Variants in DCDC2 observed in about 807,000 individuals in gnomAD.
DCDC2 encodes the protein doublecortin domain containing 2, also known as doublecortin domain-containing protein 2.
In DCDC2, 40 loss-of-function variants were observed where a neutral mutation model predicts 50.2. The ratio of observed to expected loss-of-function variants is 0.80; its 90% CI spans 0.62 to 1.04. The LOEUF (loss-of-function observed/expected upper bound fraction) is 1.04, where lower values mean the gene tolerates loss of function less well. Among genes scored for constraint, DCDC2 ranks in the 50% least tolerant of loss-of-function variants. DCDC2 has a pLI of 0.00. For missense variants in DCDC2, 570 were observed against 581.9 expected (o/e 0.98, Z 0.21); for synonymous variants, 234 against 210.6 (o/e 1.11, Z -0.96).
intron 7 of DCDC2, among the ~76,000 whole-genome samples, chr6:24,253,786 G>C (rs1282375451): frequency 6.6e-6 from 1 of 152,174 alleles, no homozygotes; most frequent in Admixed American, 6.5e-5. Context: ...GTGAGTCAGT[G>C]AGTCAGTGGT....
chr6:24,223,640 A>C (rs1318825553), intron 7 of DCDC2, among the ~76,000 whole-genome samples: 1 of 152,224 alleles, frequency 6.6e-6, no homozygotes, highest in Non-Finnish European at 1.5e-5. Flanking sequence ...AATCCATGTA[A>C]ATTTTTTTGC....
At chr6:24,349,802 A>G (rs1760332444) in intron 2 of DCDC2, among the ~76,000 whole-genome samples, 1 of 152,168 alleles carries the variant, frequency 6.6e-6, no homozygotes, top group African/African-American at 2.4e-5. Context: ...CAGGAGCACA[A>G]AAAGAGTACA....
chr6:24,316,838 C>T (rs1403405791), intron 2 of DCDC2, among the ~76,000 whole-genome samples: 1 of 151,830 alleles, frequency 6.6e-6, no homozygotes, highest in Non-Finnish European at 1.5e-5. Flanking sequence ...CTCAATAAAA[C>T]AGTATATATT....
At chr6:24,251,761 C>T (rs1762800091) in intron 7 of DCDC2, among the ~76,000 whole-genome samples, 1 of 152,192 alleles carries the variant, frequency 6.6e-6, no homozygotes, top group Non-Finnish European at 1.5e-5. Context: ...TCTCCTGATT[C>T]TGTATGCATC....
rs1304400309 is a variant in DCDC2 at position 24,306,569 on chromosome 6, GACA to G, written c.349-4528_349-4526del. On this transcript the variant is annotated intron_variant, in intron 2 of 9. Transcript: ENST00000378454. ...AGACAGACAGACAGACAGACAGACA[GACA>G]GACAAAATATTTCTTGGAAATATTT... Among the ~76,000 whole-genome samples, 454 of 147,606 alleles carry G rather than the reference GACA, an allele frequency of 3.1e-3. 5 individuals are homozygous for G. The highest frequency in any genetic ancestry group is 9.7e-3 in the African/African-American group (377 of 38,936).
chr6:24,357,981 G>A lies in DCDC2; in HGVS notation c.-231C>T. The A allele has an allele frequency of 2.1e-6, 3 of 1,450,286 alleles. No homozygotes were observed. Among genetic ancestry groups the A allele is most frequent in the Admixed American group, 2.7e-5 (1 of 36,500 alleles). 89.8% of individuals were successfully genotyped at this position (1,450,286 alleles called of 1,614,324 possible). ...ACGCTCAAGTTTTTCACCGTGGCGT[G>A]CACAGCCAATCAGGACCCGCAGTGC... On this transcript the variant is annotated 5_prime_UTR_variant, in exon 1 of 10. Coordinates refer to ENST00000378454, the MANE Select transcript of DCDC2 (RefSeq NM_016356.5).
intron 7 of DCDC2, among the ~76,000 whole-genome samples, chr6:24,246,000 A>G (rs1561905016): frequency 6.6e-6 from 1 of 152,154 alleles, no homozygotes; most frequent in South Asian, 2.1e-4. Context: ...ATTTATTTTT[A>G]TTTTTATTTA....
intron 1 of DCDC2, 72 bp downstream of exon 1, chr6:24,357,386 T>A (rs1760491938): frequency 6.8e-7 from 1 of 1,480,272 alleles, no homozygotes; most frequent in Admixed American, 2.2e-5. Flanking sequence ...GGGGTAGGGA[T>A]CTGCATTTCT....
At chr6:24,235,279 T>C (rs1762419240) in intron 7 of DCDC2, among the ~76,000 whole-genome samples, 1 of 152,224 alleles carries the variant, frequency 6.6e-6, no homozygotes, top group African/African-American at 2.4e-5. Context: ...AGATGGGCCT[T>C]ATTCCTTGTC....
At chr6:24,198,726 C>T (rs1363812584) in intron 8 of DCDC2, among the ~76,000 whole-genome samples, 1 of 152,174 alleles carries the variant, frequency 6.6e-6, no homozygotes, top group Non-Finnish European at 1.5e-5. Context: ...GGATCCCACC[C>T]CCATGGAGCC....
At chr6:24,230,139 A>C (rs1484981539) in intron 7 of DCDC2, among the ~76,000 whole-genome samples, 1 of 152,244 alleles carries the variant, frequency 6.6e-6, no homozygotes, top group African/African-American at 2.4e-5. Context: ...TTTACTGAGC[A>C]TCATGTTAAA....
intron 7 of DCDC2, among the ~76,000 whole-genome samples, chr6:24,262,037 T>A (rs1763022588): frequency 1.3e-5 from 2 of 151,612 alleles, no homozygotes; most frequent in South Asian, 4.2e-4. Context: ...AGGTAAGCAA[T>A]CACAGTGCCT....
intron 7 of DCDC2, among the ~76,000 whole-genome samples, chr6:24,236,729 G>A (rs143873052): frequency 2.0e-3 from 307 of 152,192 alleles, no homozygotes; most frequent in African/African-American, 7.1e-3. Context: ...TGGACAAAAG[G>A]CCAAGTGCAG....
intron 2 of DCDC2, 77 bp from the exon 3 acceptor site, chr6:24,302,121 G>C: frequency 7.6e-7 from 1 of 1,318,024 alleles, no homozygotes. Context: ...AAAATCTACA[G>C]TTTCTAGGGA....
At chr6:24,235,864 T>C (rs1217590215) in intron 7 of DCDC2, among the ~76,000 whole-genome samples, 1 of 152,072 alleles carries the variant, frequency 6.6e-6, no homozygotes, top group African/African-American at 2.4e-5. Context: ...ACAATAGCCA[T>C]ACGCAAAAAT....
At chr6:24,349,700 C>T (rs774766136) in intron 2 of DCDC2, among the ~76,000 whole-genome samples, 2 of 152,092 alleles carry the variant, frequency 1.3e-5, no homozygotes, top group Non-Finnish European at 2.9e-5. Flanking sequence ...TGAGTTACCA[C>T]GGTCAGAAGC....
At chr6:24,236,895 G>T (rs1006619095) in intron 7 of DCDC2, among the ~76,000 whole-genome samples, 2 of 151,982 alleles carry the variant, frequency 1.3e-5, no homozygotes, top group African/African-American at 4.8e-5. Context: ...CTGTAATCTG[G>T]CCACTTGGGG....
upstream of DCDC2, among the ~76,000 whole-genome samples, chr6:24,362,314 TGA>T (rs1412769369): frequency 5.3e-4 from 77 of 146,090 alleles, 1 homozygote; most frequent in African/African-American, 1.2e-3. Context: ...AATTGTATGT[TGA>T]TACAATTATT....
Position 24,333,865 on chromosome 6 carries a change from T to C in DCDC2, c.348+19704A>G, listed in dbSNP as rs147781737. On this transcript the variant is annotated intron_variant, in intron 2 of 9. Coordinates refer to ENST00000378454, the MANE Select transcript of DCDC2 (RefSeq NM_016356.5). ...GTTATGATGGTAGAGGTGGCAGAAGTGGAGAGAAGAGGGTGAATTTCAGAA... is the reference window on the plus strand; with the variant it reads ...GTTATGATGGTAGAGGTGGCAGAAGCGGAGAGAAGAGGGTGAATTTCAGAA... 2.8e-3 allele frequency among the ~76,000 whole-genome samples: 420 copies of C among 152,026 alleles called. 1 individual carries two copies. Among genetic ancestry groups the C allele is most frequent in the African/African-American group, 9.4e-3 (391 of 41,448 alleles).
Sources: allele counts gnomAD v4.1 joint callset (sites outside exome capture counted in the v4.1 genomes callset), GRCh38; gene constraint gnomAD v4.1.1; transcripts MANE v1.5; gene names NCBI Gene and HGNC (gene_info 2026-07-23, HGNC 2026-07-21).